Variants in ANLN observed in about 807,000 individuals in gnomAD.
ANLN encodes anillin.
In ANLN, 59 loss-of-function variants were observed where a neutral mutation model predicts 135.1. The ratio of observed to expected loss-of-function variants is 0.44; its 90% CI spans 0.35 to 0.54. The LOEUF (loss-of-function observed/expected upper bound fraction) is 0.54, where lower values mean the gene tolerates loss of function less well. Among genes scored for constraint, ANLN ranks in the 20% least tolerant of loss-of-function variants. The probability of loss-of-function intolerance (pLI) is 0.00; values close to 1 mark genes in which losing one functional copy is unlikely to be tolerated. For missense variants in ANLN, 1,182 were observed against 1,340.0 expected (o/e 0.88, Z 1.84); for synonymous variants, 406 against 456.4 (o/e 0.89, Z 1.41).
At chr7:36,421,708 G>T (rs1226255506) in intron 12 of ANLN, 149 bp from the exon 13 acceptor site, 4 of 630,190 alleles carry the variant, frequency 6.3e-6, no homozygotes, top group Non-Finnish European at 7.7e-6. Flanking sequence ...TTGGTGCATA[G>T]TCGAGAAACT....
intron 20 of ANLN, among the ~76,000 whole-genome samples, chr7:36,436,028 A>G (rs1386673905): frequency 6.6e-6 from 1 of 152,154 alleles, no homozygotes; most frequent in Non-Finnish European, 1.5e-5. Flanking sequence ...TAGTACATTC[A>G]CAATGTTGTT....
At chr7:36,396,173 C>T (rs1457609031) in intron 1 of ANLN, 93 bp from the exon 2 acceptor site, 2 of 1,108,168 alleles carry the variant, frequency 1.8e-6, no homozygotes, top group Non-Finnish European at 2.5e-6. Flanking sequence ...TAACTGTCAT[C>T]CTGTATGGCA....
chr7:36,399,984 T>G (rs1786872147), intron 3 of ANLN, among the ~76,000 whole-genome samples: 1 of 149,410 alleles, frequency 6.7e-6, no homozygotes, highest in South Asian at 2.1e-4. Context: ...CCTGCCTTGT[T>G]ACAAAAAAAA....
chr7:36,423,291 T>G (rs1787955202), intron 14 of ANLN, among the ~76,000 whole-genome samples: 1 of 152,196 alleles, frequency 6.6e-6, no homozygotes, highest in East Asian at 1.9e-4. Context: ...ATAAGGTAAT[T>G]TAGGTTCTAA....
intron 1 of ANLN, among the ~76,000 whole-genome samples, chr7:36,392,751 A>T (rs1786531777): frequency 6.6e-6 from 1 of 150,990 alleles, no homozygotes; most frequent in Non-Finnish European, 1.5e-5. Flanking sequence ...TATCTATTTA[A>T]TTTTTTTTTA....
chr7:36,406,415 C>T lies in ANLN; in HGVS notation c.722C>T (p.Ala241Val). 6.2e-7 allele frequency: 1 copy of T among 1,613,550 alleles called. No individual in the cohort carries two copies. Among genetic ancestry groups the T allele is most frequent in the Non-Finnish European group, 8.5e-7 (1 of 1,179,520 alleles). Residue 241 changes from alanine to valine, a missense_variant, in exon 4 of 24, where the codon GCA becomes GTA. Ala to Val is a moderately conservative substitution (Grantham distance 64). This residue lies in a region of ANLN where 1,022 missense variants were observed against 1,134.0 expected (regional missense o/e 0.90). Transcript: ENST00000265748. Reference sequence around the variant, plus strand: ...GCTTGTTTATCCAAATTTTCCTCTGCAAGTGGAGCATCTGCTAGGATCAAT... The same window carrying T: ...GCTTGTTTATCCAAATTTTCCTCTGTAAGTGGAGCATCTGCTAGGATCAAT... Reference protein sequence around the residue: ...GTACLSKFSSASGASARINSS... With the variant: ...GTACLSKFSSVSGASARINSS...
rs1270765012 is a variant in ANLN, at chr7:36,399,108, A to G, written c.202A>G (p.Lys68Glu). ...EKSCTKPSPS[K>E]KRCSDNTEVE... ...ATCTTGTACAAAACCATCGCCATCA[A>G]AAAAACGCTGTTCTGACAACACTGA... The change falls in exon 3 of 24, where the codon AAA becomes GAA. Residue 68 changes from lysine to glutamate, a missense_variant. By Grantham distance (56) the Lys-to-Glu change is moderately conservative. Around this residue, in one of 3 missense-constraint regions of ANLN, gnomAD observed 1,022 missense variants for 1,134.0 expected, o/e 0.90. Coordinates refer to ENST00000265748, the MANE Select transcript of ANLN (RefSeq NM_018685.5). The G allele has an allele frequency of 5.0e-6, 8 of 1,610,934 alleles. No individual in the cohort carries two copies. Among genetic ancestry groups the G allele is most frequent in the South Asian group, 1.1e-5 (1 of 90,638 alleles).
At position 36,424,566 on chromosome 7, in the gene ANLN, T is replaced by G; in HGVS notation, c.2625T>G (p.Phe875Leu). The G allele has an allele frequency of 6.2e-7, 1 of 1,600,218 alleles. No homozygotes were observed. The highest frequency in any genetic ancestry group is 8.5e-7 in the Non-Finnish European group (1 of 1,172,380). ...CCAGGCAAGATGTATCCAATGACTT[T>G]GAAATAAATATTGAAGTTTACAGCT... Reference protein sequence around the residue: ...TFTLQDVSNDFEINIEVYSLV... With the variant: ...TFTLQDVSNDLEINIEVYSLV... The change falls in exon 16 of 24, where the codon TTT becomes TTG. Residue 875 changes from phenylalanine to leucine, a missense_variant. Phe to Leu is a conservative substitution (Grantham distance 22). Coordinates refer to ENST00000265748, the MANE Select transcript of ANLN (RefSeq NM_018685.5).
intron 13 of ANLN, among the ~76,000 whole-genome samples, chr7:36,422,263 T>C (rs1787905772): frequency 6.7e-6 from 1 of 149,076 alleles, no homozygotes. Flanking sequence ...AATCTCTATA[T>C]ATACACATGT....
chr7:36,435,388 G>C (rs150820600), intron 20 of ANLN, among the ~76,000 whole-genome samples: 46 of 151,380 alleles, frequency 3.0e-4, no homozygotes, highest in African/African-American at 8.7e-4. Flanking sequence ...GAGATGGTGG[G>C]GGGGGGGTCT....
intron 22 of ANLN, among the ~76,000 whole-genome samples, chr7:36,448,084 G>A (rs562263458): frequency 6.6e-6 from 1 of 151,790 alleles, no homozygotes; most frequent in African/African-American, 2.4e-5. Flanking sequence ...GCACGATCTC[G>A]GCTCACTGCA....
rs1333443966 is a variant in ANLN at position 36,399,269 on chromosome 7, A to G, written c.363A>G (p.Ala121=). Residue 121 remains alanine (A), a synonymous_variant, in exon 3 of 24, where the codon GCA becomes GCG. Transcript: ENST00000265748. ...TCAGTGATTCTGTTGCTGTCCCGGCATCACTGCTGGGCATGAGGAGAGGGC... is the reference window on the plus strand; with the variant it reads ...TCAGTGATTCTGTTGCTGTCCCGGCGTCACTGCTGGGCATGAGGAGAGGGC... ...DTISDSVAVP[A]SLLGMRRGLN... 6.2e-7 allele frequency: 1 copy of G among 1,614,192 alleles called. No individual in the cohort carries two copies. Among genetic ancestry groups the G allele is most frequent in the Non-Finnish European group, 8.5e-7 (1 of 1,180,026 alleles).
chr7:36,449,584 G>A, intron 22 of ANLN, 81 bp from the exon 23 acceptor site: 1 of 1,051,664 alleles, frequency 9.5e-7, no homozygotes. Context: ...TATTTAATTT[G>A]TACCAACTTA....
rs755966501 is a variant in ANLN at position 36,407,894 on chromosome 7, A to T, written c.1034A>T (p.Lys345Met). Residue 345 changes from lysine (K) to methionine (M), a missense_variant, in exon 5 of 24, where the codon AAG becomes ATG. This residue lies in a region of ANLN where 1,022 missense variants were observed against 1,134.0 expected (regional missense o/e 0.90). Coordinates refer to ENST00000265748, the MANE Select transcript of ANLN (RefSeq NM_018685.5). ...ACTTTATCCCAGACAGTTCCATCCA[A>T]GGGAGAATTAAGTAGAGAAATTTGT... ...KSTLSQTVPSKGELSREICLQ... is the reference protein window; with the variant it reads ...KSTLSQTVPSMGELSREICLQ... 4 of 1,613,730 alleles carry T rather than the reference A, an allele frequency of 2.5e-6. No homozygotes were observed. The African/African-American group carries it at 5.3e-5, about 22-fold the overall frequency.
chr7:36,448,840 G>A (rs890308877), intron 22 of ANLN: 4 of 152,172 alleles, frequency 2.6e-5, no homozygotes, highest in South Asian at 2.1e-4. Context: ...TATTTGCTTC[G>A]GATAAATTTA....
intron 20 of ANLN, among the ~76,000 whole-genome samples, chr7:36,431,890 C>G (rs1788347443): frequency 6.6e-6 from 1 of 151,712 alleles, no homozygotes; most frequent in South Asian, 2.1e-4. Flanking sequence ...TTTTTCCCCC[C>G]CAGAATAGGG....
At chr7:36,394,794 A>G (rs1052403705) in intron 1 of ANLN, among the ~76,000 whole-genome samples, 7 of 152,208 alleles carry the variant, frequency 4.6e-5, no homozygotes, top group African/African-American at 1.4e-4. Context: ...TATGCAAGGC[A>G]GTAATAATAA....
intron 2 of ANLN, 33 bp downstream of exon 2, chr7:36,396,452 C>CTT: frequency 4.0e-6 from 6 of 1,518,160 alleles, no homozygotes; most frequent in Admixed American, 4.1e-5. Context: ...ATAACATTTA[C>CTT]TTTTTTTTTC....
chr7:36,397,741 T>G (rs1749350123), intron 2 of ANLN, among the ~76,000 whole-genome samples: 1 of 152,056 alleles, frequency 6.6e-6, no homozygotes, highest in Non-Finnish European at 1.5e-5. Context: ...AGCAAAACCC[T>G]GTCTCTACAA....
Sources: allele counts gnomAD v4.1 joint callset (sites outside exome capture counted in the v4.1 genomes callset), GRCh38; gene constraint gnomAD v4.1.1; regional missense constraint gnomAD v4.1.1; transcripts MANE v1.5; gene names NCBI Gene and HGNC (gene_info 2026-07-23, HGNC 2026-07-21).